The following CATSPER3 variants were observed in gnomAD, a reference collection of about 807,000 sequenced individuals.
CATSPER3 encodes cation channel sperm-associated protein 3.
A neutral mutation model predicts 36.6 loss-of-function variants in CATSPER3; 23 were observed. The ratio of observed to expected loss-of-function variants is 0.63; its 90% CI spans 0.45 to 0.89. The LOEUF is 0.89. Ranked by LOEUF, CATSPER3 falls within the 40% of genes least tolerant of loss-of-function variation. The pLI is 0.00. For missense variants in CATSPER3, 474 were observed against 503.9 expected (o/e 0.94, Z 0.57); for synonymous variants, 172 against 184.1 (o/e 0.93, Z 0.53).
intron 3 of CATSPER3, among the ~76,000 whole-genome samples, chr5:135,001,735 T>C (rs1413304386): frequency 6.6e-6 from 1 of 152,134 alleles, no homozygotes; most frequent in Non-Finnish European, 1.5e-5. Context: ...TTTGTCTCTT[T>C]TGATCTTTGT....
chr5:134,981,154 C>G (rs965757872), intron 2 of CATSPER3, among the ~76,000 whole-genome samples: 5 of 151,926 alleles, frequency 3.3e-5, no homozygotes, highest in African/African-American at 1.2e-4. Context: ...CCCTCTCTCT[C>G]TCTCCCTTTT....
Position 135,008,948 on chromosome 5 carries a change from C to A in CATSPER3, c.783C>A (p.Asn261Lys). ...TGCTCGCCTCTTTCATCTTCCTCAA[C>A]ATGTTCGTGGGTGTGATGATCATGC... is the stretch of plus-strand genomic sequence containing the variant. ...FILLASFIFLNMFVGVMIMHT... is the reference protein window; with the variant it reads ...FILLASFIFLKMFVGVMIMHT... The change falls in exon 5 of 8, where the codon AAC becomes AAA. Residue 261 changes from asparagine (N) to lysine (K), a missense_variant. Physicochemically the swap from Asn to Lys is moderately conservative, Grantham distance 94. Transcript: ENST00000282611. 6.2e-7 allele frequency: 1 copy of A among 1,614,014 alleles called. No individual in the cohort carries two copies. Among genetic ancestry groups the A allele is most frequent in the Non-Finnish European group, 8.5e-7 (1 of 1,179,952 alleles).
intron 2 of CATSPER3, among the ~76,000 whole-genome samples, chr5:134,974,855 AG>A (rs1751649032): frequency 6.6e-6 from 1 of 152,228 alleles, no homozygotes; most frequent in Non-Finnish European, 1.5e-5. Flanking sequence ...TGTTAGGTAT[AG>A]GACTTGGCAG....
At position 135,008,101 on chromosome 5, in the gene CATSPER3, C is replaced by A; in HGVS notation, c.637C>A (p.Leu213Met). ...DNGDHDNWGN[L>M]AAAFFTLFSL... ...TGGTGACCATGATAACTGGGGGAAC[C>A]TGGCTGCAGCTTTTTTCACCCTCTT... Residue 213 changes from leucine to methionine, a missense_variant, in exon 4 of 8, where the codon CTG becomes ATG. By Grantham distance (15) the Leu-to-Met change is conservative. Coordinates refer to ENST00000282611, the MANE Select transcript of CATSPER3 (RefSeq NM_178019.3). The A allele has an allele frequency of 6.2e-7, 1 of 1,614,168 alleles. No homozygotes were observed. Among genetic ancestry groups the A allele is most frequent in the African/African-American group, 1.3e-5 (1 of 75,038 alleles).
At chr5:134,979,424 C>T (rs1387607434) in intron 2 of CATSPER3, among the ~76,000 whole-genome samples, 1 of 152,198 alleles carries the variant, frequency 6.6e-6, no homozygotes, top group Admixed American at 6.5e-5. Flanking sequence ...CATGCACTAA[C>T]CCAGACCTTG....
At chr5:134,992,601 A>G (rs1294400808) in intron 2 of CATSPER3, among the ~76,000 whole-genome samples, 3 of 152,000 alleles carry the variant, frequency 2.0e-5, no homozygotes, top group African/African-American at 7.2e-5. Context: ...GGTGGGCACC[A>G]GTAATCCCAG....
intron 3 of CATSPER3, among the ~76,000 whole-genome samples, 159 bp downstream of exon 3, chr5:134,996,671 A>C (rs1476938304): frequency 6.6e-6 from 1 of 152,242 alleles, no homozygotes; most frequent in African/African-American, 2.4e-5. Flanking sequence ...ATTTAATCTT[A>C]AAACAATTCT....
chr5:134,978,465 AAAAC>A lies in CATSPER3; in HGVS notation c.252+8377_252+8380del, dbSNP rs200799482. 8.1e-3 allele frequency among the ~76,000 whole-genome samples: 1,235 copies of A among 152,314 alleles called. 9 individuals carry two copies. The highest frequency in any genetic ancestry group is 0.037 in the Middle Eastern group (11 of 294). ...CAATTAAAAACAAAATAAACGTTAA[AAAAC>A]AAAACACAATCTATAAAAAAACTGA... On this transcript the variant is annotated intron_variant, in intron 2 of 7. Coordinates refer to ENST00000282611, the MANE Select transcript of CATSPER3 (RefSeq NM_178019.3).
At chr5:135,009,268 C>T in intron 5 of CATSPER3, 103 bp from the exon 6 acceptor site, 1 of 1,266,722 alleles carries the variant, frequency 7.9e-7, no homozygotes, top group Non-Finnish European at 1.1e-6. Context: ...AAAAGTGCTC[C>T]TGCTGAGGGC....
At chr5:134,996,162 C>T in intron 2 of CATSPER3, 111 bp from the exon 3 acceptor site, 1 of 1,368,186 alleles carries the variant, frequency 7.3e-7, no homozygotes, top group Non-Finnish European at 1.0e-6. Flanking sequence ...GGGTTTCTCT[C>T]TCATGTGGGT....
rs1407564053 is a variant in CATSPER3 at position 135,009,404 on chromosome 5, T to G, written c.850T>G (p.Leu284Val). ...SIRKFERELM[L>V]EQQEMLMGEK... is the part of the protein sequence containing the mutation. ...CAGAAAGTTTGAGCGAGAGCTGATGTTGGAGCAGCAGGAGATGCTCATGGG... is the reference window on the plus strand; with the variant it reads ...CAGAAAGTTTGAGCGAGAGCTGATGGTGGAGCAGCAGGAGATGCTCATGGG... Residue 284 changes from leucine to valine, a missense_variant, in exon 6 of 8, where the codon TTG becomes GTG. By Grantham distance (32) the Leu-to-Val change is conservative (BLOSUM62 1). Coordinates refer to ENST00000282611, the MANE Select transcript of CATSPER3 (RefSeq NM_178019.3). 2 of 1,612,832 alleles carry G rather than the reference T, an allele frequency of 1.2e-6. No homozygotes were observed. The highest frequency in any genetic ancestry group is 1.7e-6 in the Non-Finnish European group (2 of 1,179,156).
chr5:134,985,997 C>CAT (rs773177293), intron 2 of CATSPER3, among the ~76,000 whole-genome samples: 88 of 151,612 alleles, frequency 5.8e-4, no homozygotes, highest in Non-Finnish European at 1.1e-3. Context: ...CACACACAGC[C>CAT]ATATATATAT....
chr5:134,972,066 A>G (rs1338071560), intron 2 of CATSPER3, among the ~76,000 whole-genome samples: 1 of 152,210 alleles, frequency 6.6e-6, no homozygotes. Context: ...ACTGTAAGAA[A>G]AAAGAGAATG....
chr5:134,990,100 C>T (rs1300346572), intron 2 of CATSPER3, among the ~76,000 whole-genome samples: 2 of 152,108 alleles, frequency 1.3e-5, no homozygotes, highest in Non-Finnish European at 2.9e-5. Context: ...TTTATGCCAT[C>T]CCAAGCAATT....
At chr5:134,995,273 C>A (rs990255175) in intron 2 of CATSPER3, among the ~76,000 whole-genome samples, 1 of 151,998 alleles carries the variant, frequency 6.6e-6, no homozygotes, top group African/African-American at 2.4e-5. Flanking sequence ...ATTAACCAAC[C>A]TCTCTTCATC....
chr5:135,004,319 G>T (rs1349997421), intron 3 of CATSPER3, among the ~76,000 whole-genome samples: 3 of 152,342 alleles, frequency 2.0e-5, no homozygotes, highest in East Asian at 1.9e-4. Context: ...ATGCCCGTGT[G>T]GGGTGGGGAG....
chr5:135,010,287 GGC>G (rs1404611586), intron 6 of CATSPER3, 84 bp from the exon 7 acceptor site: 1 of 1,202,154 alleles, frequency 8.3e-7, no homozygotes, highest in African/African-American at 1.5e-5. Flanking sequence ...CGCTGCCTGG[GGC>G]CCATCCTGGA....
At chr5:135,000,628 T>C (rs1752009128) in intron 3 of CATSPER3, among the ~76,000 whole-genome samples, 1 of 152,350 alleles carries the variant, frequency 6.6e-6, no homozygotes, top group East Asian at 1.9e-4. Flanking sequence ...GGGATTCAAC[T>C]TCTTCCTGGT....
chr5:134,981,281 A>G (rs1221954692), intron 2 of CATSPER3, among the ~76,000 whole-genome samples: 1 of 152,166 alleles, frequency 6.6e-6, no homozygotes, highest in East Asian at 1.9e-4. Flanking sequence ...ACTTGAGGTC[A>G]TGAGTTCGAG....
Sources: allele counts gnomAD v4.1 joint callset (sites outside exome capture counted in the v4.1 genomes callset), GRCh38; gene constraint gnomAD v4.1.1; transcripts MANE v1.5; gene names NCBI Gene and HGNC (gene_info 2026-07-23, HGNC 2026-07-21).